The following ATRNL1 variants were observed in gnomAD, a reference collection of about 807,000 sequenced individuals.
ATRNL1 encodes the protein attractin like 1, also known as attractin-like protein 1.
In ATRNL1, 95 loss-of-function variants were observed where a neutral mutation model predicts 182.7. The observed-to-expected ratio is 0.52, with a 90% CI of 0.44 to 0.62. The LOEUF (loss-of-function observed/expected upper bound fraction) is 0.62. ATRNL1 is among the 20% of genes least tolerant of loss of function. The pLI is 0.00. For missense variants in ATRNL1, 1,471 were observed against 1,679.5 expected, an observed-to-expected ratio of 0.88 and a Z score of 2.17; for synonymous variants, 576 against 568.3, an observed-to-expected ratio of 1.01 and a Z score of -0.19.
intron 24 of ATRNL1, among the ~76,000 whole-genome samples, chr10:115,507,033 T>C (rs12245494): frequency 0.014 from 2,144 of 152,184 alleles, 46 homozygotes; most frequent in African/African-American, 0.049. Flanking sequence ...GAGACATTAA[T>C]TAACATACAT....
At chr10:115,194,833 T>TTTTTTTTTTAATTTC (rs564143456) in intron 8 of ATRNL1, among the ~76,000 whole-genome samples, 4 of 151,764 alleles carry the variant, frequency 2.6e-5, no homozygotes, top group African/African-American at 9.7e-5. Context: ...ATTTCTTGCT[T>TTTTTTTTTTAATTTC]TTTATTTTTT....
Position 115,944,748 on chromosome 10 carries a change from A to G in ATRNL1, c.4109A>G (p.His1370Arg). 6.2e-7 allele frequency: 1 copy of G among 1,613,692 alleles called. No individual in the cohort carries two copies. Among genetic ancestry groups the G allele is most frequent in the Non-Finnish European group, 8.5e-7 (1 of 1,179,736 alleles). ...DKTSGVRNRK[H>R]LSTRQGTCV ...ACTTCTGGAGTCCGGAATCGAAAACACCTTTCAACACGTCAAGGAACTTGT... is the reference window on the plus strand; with the variant it reads ...ACTTCTGGAGTCCGGAATCGAAAACGCCTTTCAACACGTCAAGGAACTTGT... The change falls in exon 29 of 29, where the codon CAC (histidine) becomes CGC (arginine). Residue 1370 changes from histidine (H) to arginine (R), a missense_variant. Physicochemically the swap from His to Arg is conservative, Grantham distance 29. This residue lies in a region of ATRNL1 where 437 missense variants were observed against 506.0 expected (regional missense o/e 0.86). Transcript: ENST00000355044.
intron 24 of ATRNL1, among the ~76,000 whole-genome samples, chr10:115,488,856 G>T (rs577345393): frequency 1.3e-5 from 2 of 152,192 alleles, no homozygotes; most frequent in East Asian, 3.9e-4. Context: ...TCTGTTGTGG[G>T]CATTTAGTGC....
intron 28 of ATRNL1, among the ~76,000 whole-genome samples, chr10:115,856,083 A>T (rs1221104394): frequency 1.2e-4 from 18 of 152,290 alleles, no homozygotes; most frequent in South Asian, 4.1e-4. Flanking sequence ...TAACCTCACA[A>T]AAGATAACTG....
chr10:115,933,536 C>CAGCA (rs1953468334), intron 28 of ATRNL1, among the ~76,000 whole-genome samples: 1 of 152,214 alleles, frequency 6.6e-6, no homozygotes, highest in African/African-American at 2.4e-5. Context: ...ATGTCCAGGT[C>CAGCA]TTTGCCCATG....
chr10:115,140,110 A>AT (rs1414058047), intron 5 of ATRNL1, among the ~76,000 whole-genome samples: 1 of 152,208 alleles, frequency 6.6e-6, no homozygotes, highest in Non-Finnish European at 1.5e-5. Context: ...AGAATTGTAA[A>AT]TTGCCTTTAC....
chr10:115,229,690 ACAT>A lies in ATRNL1; in HGVS notation c.1533-11877_1533-11875del, dbSNP rs1276783351. Among the ~76,000 whole-genome samples, 3 of 152,282 alleles carry A rather than the reference ACAT, an allele frequency of 2.0e-5. No homozygotes were observed. In the East Asian group the frequency reaches 5.8e-4, roughly 29 times the overall value. On this transcript the variant is annotated intron_variant, in intron 9 of 28. Transcript: ENST00000355044. Reference sequence around the variant, plus strand: ...GGCAAAAAGACTATTATCTTTAAAAACATCATGATAAGAGATTTGGAATTTTGG... The same window carrying A: ...GGCAAAAAGACTATTATCTTTAAAAACATGATAAGAGATTTGGAATTTTGG...
chr10:115,454,394 G>T (rs781862541), intron 21 of ATRNL1, among the ~76,000 whole-genome samples: 55 of 152,014 alleles, frequency 3.6e-4, no homozygotes, highest in Admixed American at 7.2e-4. Context: ...TTATTTGGTG[G>T]TTCCATATGA....
At chr10:115,930,378 T>C (rs1035314386) in intron 28 of ATRNL1, among the ~76,000 whole-genome samples, 1 of 152,086 alleles carries the variant, frequency 6.6e-6, no homozygotes, top group Non-Finnish European at 1.5e-5. Context: ...GAACGTGTCA[T>C]ACATCCCATA....
chr10:115,496,823 A>T (rs1401331912), intron 24 of ATRNL1, among the ~76,000 whole-genome samples: 1 of 152,040 alleles, frequency 6.6e-6, no homozygotes, highest in Non-Finnish European at 1.5e-5. Flanking sequence ...GCTCCATTTA[A>T]CATTTTTTCT....
chr10:115,759,040 C>T (rs948550464), intron 27 of ATRNL1, among the ~76,000 whole-genome samples: 5 of 151,908 alleles, frequency 3.3e-5, no homozygotes, highest in Non-Finnish European at 7.4e-5. Flanking sequence ...TTGCAACAGC[C>T]CATTAATATA....
At chr10:115,934,292 A>G (rs1369558519) in intron 28 of ATRNL1, among the ~76,000 whole-genome samples, 1 of 152,184 alleles carries the variant, frequency 6.6e-6, no homozygotes, top group Admixed American at 6.5e-5. Flanking sequence ...GGCTTTAACT[A>G]TTGCAACAGC....
At chr10:115,723,813 C>T (rs781945860) in intron 26 of ATRNL1, among the ~76,000 whole-genome samples, 6 of 152,272 alleles carry the variant, frequency 3.9e-5, no homozygotes, top group South Asian at 2.1e-4. Flanking sequence ...CTGCCTCGGC[C>T]TCCCAAAGTG....
intron 20 of ATRNL1, among the ~76,000 whole-genome samples, chr10:115,417,069 T>C (rs782744901): frequency 6.6e-6 from 1 of 152,158 alleles, no homozygotes; most frequent in Non-Finnish European, 1.5e-5. Context: ...GAGGGTTGTT[T>C]TGAGAATGCA....
At chr10:115,106,207 A>C (rs182089604) in intron 1 of ATRNL1, among the ~76,000 whole-genome samples, 43 of 152,238 alleles carry the variant, frequency 2.8e-4, no homozygotes, top group Admixed American at 1.2e-3. Flanking sequence ...TTAAAATTTG[A>C]CTACCCTGTT....
intron 26 of ATRNL1, among the ~76,000 whole-genome samples, chr10:115,624,646 G>T (rs1440894350): frequency 6.6e-6 from 1 of 152,112 alleles, no homozygotes; most frequent in Non-Finnish European, 1.5e-5. Context: ...GCCATGATGA[G>T]AGTGTTTGCA....
At chr10:115,461,884 C>A in intron 21 of ATRNL1, 57 bp from the exon 22 acceptor site, 2 of 1,237,044 alleles carry the variant, frequency 1.6e-6, no homozygotes, top group Non-Finnish European at 2.3e-6. Flanking sequence ...CTAAATTTTG[C>A]TTTTTAGACA....
At chr10:115,380,530 C>T (rs575115455) in intron 19 of ATRNL1, among the ~76,000 whole-genome samples, 23 of 152,238 alleles carry the variant, frequency 1.5e-4, no homozygotes, top group African/African-American at 3.9e-4. Flanking sequence ...CTCCCTTGTC[C>T]CCCAGCCCTG....
chr10:115,755,940 T>C (rs1391892084), intron 27 of ATRNL1, among the ~76,000 whole-genome samples: 2 of 152,198 alleles, frequency 1.3e-5, no homozygotes, highest in African/African-American at 4.8e-5. Flanking sequence ...CTAGATTTTC[T>C]AGTTTATTTG....
Sources: allele counts gnomAD v4.1 joint callset (sites outside exome capture counted in the v4.1 genomes callset), GRCh38; gene constraint gnomAD v4.1.1; regional missense constraint gnomAD v4.1.1; transcripts MANE v1.5; gene names NCBI Gene and HGNC (gene_info 2026-07-23, HGNC 2026-07-21).